The following RBFOX1 variants were observed in gnomAD, a reference collection of about 807,000 sequenced individuals.
RBFOX1 encodes RNA binding protein fox-1 homolog 1.
RBFOX1 carries 8 observed loss-of-function variants against 57.7 expected under a neutral mutation model. The observed-to-expected ratio is 0.14, with a 90% CI of 0.08 to 0.25. RBFOX1 has a LOEUF of 0.25. RBFOX1 is among the 10% of genes least tolerant of loss of function. RBFOX1 has a pLI of 1.00. For synonymous variants in RBFOX1, 326 were observed against 222.4 expected (o/e 1.47, Z -4.15); for missense variants, 611 against 548.5 (o/e 1.11, Z -1.14).
At chr16:6,405,083 C>T (rs1483199200) in intron 2 of RBFOX1, among the ~76,000 whole-genome samples, 1 of 152,108 alleles carries the variant, frequency 6.6e-6, no homozygotes, top group Non-Finnish European at 1.5e-5. Flanking sequence ...TCCTGTGAGC[C>T]CAACATTCTC....
intron 3 of RBFOX1, among the ~76,000 whole-genome samples, chr16:7,002,932 A>G (rs1475974410): frequency 6.6e-6 from 1 of 152,134 alleles, no homozygotes; most frequent in Admixed American, 6.5e-5. Flanking sequence ...AGGAAGTTAG[A>G]AAGTGTAAGA....
At position 5,769,819 on chromosome 16, in the gene RBFOX1, C is replaced by A. The variant is rs114720205; in HGVS notation, c.319-97484C>A. ...AATACCTTGATTTTGGACTTCTGGC[C>A]TCCCAGACGACAAGATAGTAAATTT... On this transcript the variant is annotated intron_variant, in intron 3 of 19. Coordinates refer to the RBFOX1 transcript ENST00000641259. Among the ~76,000 whole-genome samples, 236 of 152,296 alleles carry A rather than the reference C, an allele frequency of 1.5e-3. 1 individual carries two copies. The highest frequency in any genetic ancestry group is 5.5e-3 in the African/African-American group (229 of 41,558).
At chr16:7,684,450 G>C (rs1249720769) in intron 14 of RBFOX1, among the ~76,000 whole-genome samples, 2 of 151,978 alleles carry the variant, frequency 1.3e-5, no homozygotes, top group African/African-American at 4.8e-5. Context: ...ATGTGTGACT[G>C]TTCAAATAGA....
intron 2 of RBFOX1, among the ~76,000 whole-genome samples, chr16:5,479,961 C>G (rs896191548): frequency 1.3e-5 from 2 of 152,168 alleles, no homozygotes; most frequent in African/African-American, 4.8e-5. Flanking sequence ...TCCCCACCCT[C>G]CAGCCCAGCC....
At chr16:6,153,852 G>C (rs1342502339) in intron 1 of RBFOX1, among the ~76,000 whole-genome samples, 4 of 152,042 alleles carry the variant, frequency 2.6e-5, no homozygotes, top group African/African-American at 9.7e-5. Flanking sequence ...ATCATCTTAG[G>C]CTTCGCATTC....
intron 4 of RBFOX1, among the ~76,000 whole-genome samples, chr16:7,249,402 A>C (rs1268557884): frequency 6.6e-6 from 1 of 152,180 alleles, no homozygotes; most frequent in Non-Finnish European, 1.5e-5. Flanking sequence ...GGACATCACT[A>C]GACTTCCAAG....
chr16:5,506,870 T>C (rs1051565649), intron 2 of RBFOX1, among the ~76,000 whole-genome samples: 3 of 152,214 alleles, frequency 2.0e-5, no homozygotes, highest in Non-Finnish European at 2.9e-5. Context: ...TTTAGCATTT[T>C]GATACCCTCC....
chr16:5,369,704 G>A (rs554701546), intron 1 of RBFOX1, among the ~76,000 whole-genome samples: 1 of 152,296 alleles, frequency 6.6e-6, no homozygotes, highest in East Asian at 1.9e-4. Flanking sequence ...TCAGAGGTGG[G>A]TCTCAGTCAG....
chr16:5,291,090 T>C (rs2063522591), intron 1 of RBFOX1, among the ~76,000 whole-genome samples: 1 of 152,148 alleles, frequency 6.6e-6, no homozygotes, highest in Non-Finnish European at 1.5e-5. Flanking sequence ...AGAGAGGGGC[T>C]AGGTCATGTA....
intron 4 of RBFOX1, among the ~76,000 whole-genome samples, chr16:7,516,141 A>T (rs951645095): frequency 1.3e-5 from 2 of 152,050 alleles, no homozygotes; most frequent in Admixed American, 6.6e-5. Context: ...CAACATGCCC[A>T]CCCTAAGTGT....
intron 4 of RBFOX1, among the ~76,000 whole-genome samples, chr16:7,219,280 C>G (rs2092532660): frequency 6.6e-6 from 1 of 152,124 alleles, no homozygotes; most frequent in East Asian, 1.9e-4. Context: ...CATATTGTGC[C>G]AAAGTTAAGG....
chr16:5,886,210 T>G (rs1169054182), intron 4 of RBFOX1, among the ~76,000 whole-genome samples: 4 of 152,194 alleles, frequency 2.6e-5, no homozygotes, highest in Non-Finnish European at 4.4e-5. Context: ...AGGTATTGCC[T>G]TGTAGCAGAG....
intron 14 of RBFOX1, among the ~76,000 whole-genome samples, chr16:7,686,524 T>C (rs1008875354): frequency 9.2e-5 from 14 of 152,192 alleles, no homozygotes; most frequent in African/African-American, 3.4e-4. Context: ...GCCTGCCCTC[T>C]TCTTTGGGTG....
intron 1 of RBFOX1, among the ~76,000 whole-genome samples, chr16:6,304,693 G>C (rs2079243758): frequency 6.6e-6 from 1 of 151,878 alleles, no homozygotes; most frequent in African/African-American, 2.4e-5. Flanking sequence ...GACCAGCCTG[G>C]CCAACATGGT....
chr16:5,967,793 T>C (rs905078879), intron 4 of RBFOX1, among the ~76,000 whole-genome samples: 1 of 152,154 alleles, frequency 6.6e-6, no homozygotes. Flanking sequence ...CTCAGAATTA[T>C]AATACTCAGA....
intron 3 of RBFOX1, among the ~76,000 whole-genome samples, chr16:6,688,212 A>G (rs976848552): frequency 1.6e-4 from 25 of 151,916 alleles, no homozygotes; most frequent in Non-Finnish European, 1.5e-5. Context: ...GGCGTGTCTT[A>G]GGTGGCTAGA....
intron 3 of RBFOX1, among the ~76,000 whole-genome samples, chr16:5,715,810 A>G (rs1300992615): frequency 2.0e-5 from 3 of 152,160 alleles, no homozygotes; most frequent in Non-Finnish European, 4.4e-5. Context: ...GCTTCCTTTT[A>G]CTGGCCCAAA....
At chr16:7,657,573 G>C (rs2066628115) in intron 12 of RBFOX1, among the ~76,000 whole-genome samples, 1 of 152,208 alleles carries the variant, frequency 6.6e-6, no homozygotes, top group Non-Finnish European at 1.5e-5. Context: ...CCAAAGTGCT[G>C]GGATTATAGG....
At chr16:7,098,535 T>C (rs935420348) in intron 4 of RBFOX1, among the ~76,000 whole-genome samples, 1 of 152,218 alleles carries the variant, frequency 6.6e-6, no homozygotes, top group African/African-American at 2.4e-5. Flanking sequence ...CTTTACTTTA[T>C]TGAAATGTAA....
Sources: gnomAD v4.1 joint callset for allele counts (sites outside exome capture counted in the v4.1 genomes callset) on GRCh38, gnomAD v4.1.1 for gene constraint, MANE v1.5 for transcripts, NCBI Gene and HGNC (gene_info 2026-07-23, HGNC 2026-07-21) for gene names.